Variants in CEP164 observed in about 807,000 individuals in gnomAD.
CEP164 encodes the protein centrosomal protein 164.
In CEP164, 162 loss-of-function variants were observed where a neutral mutation model predicts 182.7. The observed-to-expected ratio is 0.89, with a 90% CI of 0.78 to 1.01. The LOEUF is 1.01. Ranked by LOEUF, CEP164 falls within the 50% of genes least tolerant of loss-of-function variation. The pLI is 0.00. For synonymous variants in CEP164, 661 were observed against 690.0 expected (o/e 0.96, Z 0.66); for missense variants, 1,735 against 1,790.4 (o/e 0.97, Z 0.56).
chr11:117,366,696 T>A (rs966356082), intron 8 of CEP164, among the ~76,000 whole-genome samples: 7 of 152,152 alleles, frequency 4.6e-5, no homozygotes, highest in Non-Finnish European at 1.0e-4. Context: ...TGGGCAGGAA[T>A]AAATCTGAAA....
At chr11:117,374,315 T>C (rs530730542) in intron 10 of CEP164, among the ~76,000 whole-genome samples, 16 of 152,286 alleles carry the variant, frequency 1.1e-4, no homozygotes, top group African/African-American at 3.8e-4. Flanking sequence ...CATGGTTTCT[T>C]TGTCCCAGAC....
intron 25 of CEP164, 96 bp from the exon 26 acceptor site, chr11:117,396,454 C>A (rs966820414): frequency 9.7e-6 from 10 of 1,027,496 alleles, no homozygotes; most frequent in Non-Finnish European, 1.5e-5. Context: ...AGAGCCATTT[C>A]CTTGTCTAGA....
chr11:117,393,420 A>T (rs1010100699), intron 20 of CEP164, among the ~76,000 whole-genome samples: 1 of 152,166 alleles, frequency 6.6e-6, no homozygotes, highest in East Asian at 1.9e-4. Context: ...CTTTCTTCTG[A>T]TAGTAAAAAG....
chr11:117,356,196 C>T (rs2040276092), intron 5 of CEP164: 1 of 1,071,660 alleles, frequency 9.3e-7, no homozygotes. Context: ...ATGCAGAGCC[C>T]TGACGAGGAG....
intron 3 of CEP164, among the ~76,000 whole-genome samples, chr11:117,341,452 T>G (rs564739487): frequency 8.1e-5 from 12 of 148,466 alleles, no homozygotes; most frequent in African/African-American, 2.7e-4. Flanking sequence ...TGTTTGTTTG[T>G]TTTTTTTTTG....
chr11:117,396,401 C>A (rs527397966), intron 25 of CEP164, 149 bp from the exon 26 acceptor site: 3 of 796,670 alleles, frequency 3.8e-6, no homozygotes, highest in Non-Finnish European at 6.4e-6. Context: ...GTCGTCTCCA[C>A]CAGTCAGATG....
intron 4 of CEP164, 146 bp from the exon 5 acceptor site, chr11:117,351,644 C>T: frequency 1.5e-6 from 1 of 684,958 alleles, no homozygotes; most frequent in Non-Finnish European, 2.5e-6. Flanking sequence ...CTCTTAACCC[C>T]TCTCATTCCA....
chr11:117,381,890 C>G, intron 13 of CEP164, 22 bp downstream of exon 13: 1 of 1,466,490 alleles, frequency 6.8e-7, no homozygotes, highest in South Asian at 1.4e-5. Flanking sequence ...GGGAAGCATC[C>G]TCATGAGGAT....
chr11:117,384,574 T>A (rs577517901), intron 14 of CEP164: 4 of 152,224 alleles, frequency 2.6e-5, no homozygotes. Context: ...CCCCAGCTCC[T>A]CCCCAGTTGC....
At chr11:117,374,716 C>G (rs1040570956) in intron 10 of CEP164, among the ~76,000 whole-genome samples, 15 of 152,248 alleles carry the variant, frequency 9.9e-5, no homozygotes, top group African/African-American at 3.1e-4. Flanking sequence ...TCACAGCTCT[C>G]TCGGAAGCAA....
At chr11:117,388,961 G>A (rs533157486) in intron 15 of CEP164, among the ~76,000 whole-genome samples, 89 of 151,686 alleles carry the variant, frequency 5.9e-4, no homozygotes, top group African/African-American at 1.9e-3. Context: ...TAGTAGAGAC[G>A]GGGTTTCACT....
At position 117,362,063 on chromosome 11, in the gene CEP164, A is replaced by G. The variant is rs938469001; in HGVS notation, c.552+70A>G. The stretch of plus-strand genomic sequence containing the variant: ...CCTCCCGTGTGCCATACCAGGAACT[A>G]TGGCCTAGGGGTGAGAAATAGACAG... On this transcript the variant is annotated intron_variant, in intron 6 of 32. Coordinates refer to ENST00000278935, the MANE Select transcript of CEP164 (RefSeq NM_014956.5). 27 of 1,403,946 alleles carry G rather than the reference A, an allele frequency of 1.9e-5. No individual in the cohort carries two copies. In the South Asian group the frequency reaches 2.9e-4, roughly 15 times the overall value. The allele number at this position is 1,403,946 out of a possible 1,614,324, so 87.0% of individuals were successfully genotyped here. A position where few individuals can be genotyped will look rare whatever the true frequency, so the allele number is the denominator to read the frequency against.
chr11:117,344,590 G>C (rs886656613), intron 4 of CEP164, among the ~76,000 whole-genome samples: 5 of 152,192 alleles, frequency 3.3e-5, no homozygotes, highest in African/African-American at 1.2e-4. Context: ...CTTGCAGACT[G>C]ATATTGTAAG....
chr11:117,362,094 G>T, intron 6 of CEP164, 101 bp downstream of exon 6: 14 of 1,164,688 alleles, frequency 1.2e-5, no homozygotes, highest in Non-Finnish European at 1.7e-5. Flanking sequence ...GACAGAATCG[G>T]TGGAGTCCTC....
intron 27 of CEP164, among the ~76,000 whole-genome samples, chr11:117,397,856 A>C (rs190340183): frequency 4.7e-4 from 72 of 152,322 alleles, no homozygotes; most frequent in Non-Finnish European, 8.4e-4. Context: ...GTGGGGACAC[A>C]GAGCCAAACC....
At chr11:117,381,619 G>A in intron 12 of CEP164, 82 bp from the exon 13 acceptor site, 1 of 1,473,270 alleles carries the variant, frequency 6.8e-7, no homozygotes, top group Non-Finnish European at 9.1e-7. Flanking sequence ...AATGACCTAG[G>A]TCCACACACT....
At chr11:117,355,974 C>G (rs1478270674) in intron 5 of CEP164, 20 of 1,116,454 alleles carry the variant, frequency 1.8e-5, no homozygotes, top group South Asian at 8.6e-5. Context: ...GATCAGAAGC[C>G]TAGCTTGTCT....
At chr11:117,396,215 C>A in intron 25 of CEP164, 35 bp downstream of exon 25, 1 of 1,589,886 alleles carries the variant, frequency 6.3e-7, no homozygotes, top group South Asian at 1.1e-5. Flanking sequence ...GGCTGGGGCA[C>A]CAGGATGGTG....
intron 2 of CEP164, chr11:117,336,127 G>A: frequency 6.5e-7 from 1 of 1,548,348 alleles, no homozygotes; most frequent in South Asian, 1.1e-5. Flanking sequence ...CTTTCCCCCA[G>A]TACAACATGG....
Sources: allele counts gnomAD v4.1 joint callset (sites outside exome capture counted in the v4.1 genomes callset), GRCh38; gene constraint gnomAD v4.1.1; transcripts MANE v1.5; gene names NCBI Gene and HGNC (gene_info 2026-07-23, HGNC 2026-07-21).